EXT1: variants seen among roughly 807,000 people sequenced by gnomAD.
The protein encoded by EXT1 is exostosin-1.
A neutral mutation model predicts 82.5 loss-of-function variants in EXT1; 20 were observed. That is an observed-to-expected ratio of 0.24 (90% CI 0.17 to 0.35). The LOEUF (loss-of-function observed/expected upper bound fraction) is 0.35, where lower values mean the gene tolerates loss of function less well. Ranked by LOEUF, EXT1 falls within the 10% of genes least tolerant of loss-of-function variation. The pLI is 1.00. For synonymous variants in EXT1, 348 were observed against 350.8 expected (o/e 0.99, Z 0.09); for missense variants, 757 against 936.5 (o/e 0.81, Z 2.50).
At chr8:118,015,304 G>T (rs1319755958) in intron 1 of EXT1, among the ~76,000 whole-genome samples, 1 of 152,166 alleles carries the variant, frequency 6.6e-6, no homozygotes, top group Non-Finnish European at 1.5e-5. Context: ...TCGAGAGAGG[G>T]GGTAATGTTT....
At chr8:117,844,246 G>A (rs534291318) in intron 1 of EXT1, among the ~76,000 whole-genome samples, 1 of 151,744 alleles carries the variant, frequency 6.6e-6, no homozygotes, top group Non-Finnish European at 1.5e-5. Flanking sequence ...CCGACCTCCT[G>A]GGCTCAGGCA....
intron 1 of EXT1, among the ~76,000 whole-genome samples, chr8:118,102,990 C>T (rs1444920609): frequency 6.6e-6 from 1 of 152,076 alleles, no homozygotes; most frequent in East Asian, 1.9e-4. Context: ...CCCGTCTCTA[C>T]TAAAAATACA....
intron 1 of EXT1, among the ~76,000 whole-genome samples, chr8:118,102,073 C>T (rs1817729182): frequency 1.3e-5 from 2 of 152,006 alleles, no homozygotes; most frequent in South Asian, 4.1e-4. Context: ...TCAAGACCCG[C>T]CTGGCCAATA....
chr8:118,076,590 G>T (rs1666717334), intron 1 of EXT1, among the ~76,000 whole-genome samples: 1 of 152,200 alleles, frequency 6.6e-6, no homozygotes, highest in Non-Finnish European at 1.5e-5. Flanking sequence ...CAGAAGCAAT[G>T]CAAGTATCTT....
At chr8:117,965,667 A>G (rs1814793035) in intron 1 of EXT1, among the ~76,000 whole-genome samples, 1 of 152,178 alleles carries the variant, frequency 6.6e-6, no homozygotes, top group South Asian at 2.1e-4. Context: ...AACTGTGAAA[A>G]CACTAGCACA....
intron 1 of EXT1, among the ~76,000 whole-genome samples, chr8:117,869,010 C>T (rs1358242341): frequency 2.0e-5 from 3 of 152,146 alleles, no homozygotes; most frequent in Admixed American, 1.3e-4. Flanking sequence ...GAGCCAAGTG[C>T]CTGCCAAAAA....
chr8:117,876,357 A>G (rs933935199), intron 1 of EXT1, among the ~76,000 whole-genome samples: 3 of 152,248 alleles, frequency 2.0e-5, no homozygotes, highest in African/African-American at 7.2e-5. Context: ...GAACTTTGCA[A>G]CAGAAAAGGC....
At chr8:117,852,795 T>C (rs543523686) in intron 1 of EXT1, among the ~76,000 whole-genome samples, 16 of 152,340 alleles carry the variant, frequency 1.1e-4, no homozygotes, top group Non-Finnish European at 1.9e-4. Context: ...CCAGGCATTC[T>C]ATTGTCAGGA....
At chr8:117,980,854 C>T (rs1208188735) in intron 1 of EXT1, among the ~76,000 whole-genome samples, 3 of 152,110 alleles carry the variant, frequency 2.0e-5, no homozygotes, top group Admixed American at 2.0e-4. Context: ...CAGTCCCCGG[C>T]CACCAGGACA....
At chr8:117,993,562 T>C (rs993872751) in intron 1 of EXT1, among the ~76,000 whole-genome samples, 3 of 152,220 alleles carry the variant, frequency 2.0e-5, no homozygotes, top group African/African-American at 7.2e-5. Context: ...GGAAGTCTCA[T>C]TGCTTAAACC....
intron 1 of EXT1, among the ~76,000 whole-genome samples, chr8:117,909,983 GC>G (rs1813615156): frequency 6.6e-6 from 1 of 152,234 alleles, no homozygotes; most frequent in Admixed American, 6.5e-5. Context: ...GGCCAAACTG[GC>G]CTTGAACTCC....
chr8:117,874,962 A>T (rs1483283406), intron 1 of EXT1, among the ~76,000 whole-genome samples: 1 of 152,202 alleles, frequency 6.6e-6, no homozygotes, highest in Non-Finnish European at 1.5e-5. Context: ...GTGCAAAAAT[A>T]AAAGATTTTA....
intron 1 of EXT1, among the ~76,000 whole-genome samples, chr8:117,936,795 A>C (rs1814172725): frequency 6.6e-6 from 1 of 152,200 alleles, no homozygotes; most frequent in African/African-American, 2.4e-5. Flanking sequence ...GAATCACTTG[A>C]AACCGGGAGG....
intron 1 of EXT1, among the ~76,000 whole-genome samples, chr8:118,036,361 T>C (rs888686970): frequency 1.3e-5 from 2 of 152,008 alleles, no homozygotes; most frequent in African/African-American, 4.8e-5. Context: ...TTCTATAGTC[T>C]CCATATCTCT....
At chr8:118,044,823 C>T (rs371433987) in intron 1 of EXT1, among the ~76,000 whole-genome samples, 3 of 152,216 alleles carry the variant, frequency 2.0e-5, no homozygotes, top group East Asian at 1.9e-4. Flanking sequence ...ACAGGCGCCC[C>T]ACCGCATGCT....
rs984069224 is a variant in EXT1, at chr8:117,842,569, T to C, written c.963-5368A>G. ...ATATAAATGGCAAAGCACTATGCAA[T>C]TGCAAGTTATTATGGTAAATTATAT... is the stretch of plus-strand genomic sequence containing the variant. On this transcript the variant is annotated intron_variant, in intron 1 of 10. Transcript: ENST00000378204. 2.0e-5 allele frequency among the ~76,000 whole-genome samples: 3 copies of C among 152,228 alleles called. No individual in the cohort carries two copies. In the South Asian group the frequency reaches 6.2e-4, roughly 32 times the overall value.
intron 1 of EXT1, among the ~76,000 whole-genome samples, chr8:117,998,583 C>T (rs955081400): frequency 6.6e-6 from 1 of 152,166 alleles, no homozygotes; most frequent in African/African-American, 2.4e-5. Context: ...CTATTGTGCC[C>T]AGCCTAAAAT....
chr8:117,832,031 T>C (rs1812108514), intron 3 of EXT1, among the ~76,000 whole-genome samples: 1 of 152,204 alleles, frequency 6.6e-6, no homozygotes, highest in South Asian at 2.1e-4. Context: ...ATTTATATCA[T>C]AGAACCTTTA....
intron 1 of EXT1, among the ~76,000 whole-genome samples, chr8:117,849,355 C>G (rs1812417336): frequency 6.6e-6 from 1 of 152,222 alleles, no homozygotes; most frequent in African/African-American, 2.4e-5. Context: ...TTATTCACCA[C>G]TGTGACCCCA....
Sources: allele counts gnomAD v4.1 joint callset (sites outside exome capture counted in the v4.1 genomes callset), GRCh38; gene constraint gnomAD v4.1.1; transcripts MANE v1.5; gene names NCBI Gene and HGNC (gene_info 2026-07-23, HGNC 2026-07-21).